The following SEMA5A variants were observed in gnomAD, a reference collection of about 807,000 sequenced individuals.
SEMA5A encodes the protein semaphorin 5A, also known as semaphorin-5A.
Under a neutral mutation model 135.5 loss-of-function variants are expected in SEMA5A, and 55 were observed. That is an observed-to-expected ratio of 0.41 (90% CI 0.33 to 0.51). SEMA5A has a LOEUF of 0.51. Among genes scored for constraint, SEMA5A ranks in the 20% least tolerant of loss-of-function variants. The pLI is 0.37. For missense variants in SEMA5A, 1,290 were observed against 1,419.9 expected (o/e 0.91, Z 1.47); for synonymous variants, 580 against 546.5 (o/e 1.06, Z -0.85).
intron 4 of SEMA5A, among the ~76,000 whole-genome samples, chr5:9,326,206 T>A (rs1752864472): frequency 6.6e-6 from 1 of 152,168 alleles, no homozygotes; most frequent in Non-Finnish European, 1.5e-5. Context: ...TATAGTGACA[T>A]CCTACATGAT....
chr5:9,430,360 GA>G (rs1360856072), intron 2 of SEMA5A, among the ~76,000 whole-genome samples: 1 of 152,182 alleles, frequency 6.6e-6, no homozygotes, highest in African/African-American at 2.4e-5. Flanking sequence ...AACAATTCTG[GA>G]GCTTAGGGAT....
rs1005571263 is a variant in SEMA5A, at chr5:9,135,172, C to T, written c.1599+1332G>A. On this transcript the variant is annotated intron_variant, in intron 13 of 22. Coordinates refer to ENST00000382496, the MANE Select transcript of SEMA5A (RefSeq NM_003966.3). Reference sequence around the variant, plus strand: ...TCATCCTGTCTGGTTTCTGGTTTTCCGACTTTCTTTTTTTTTTTTTTTTTT... The same window carrying T: ...TCATCCTGTCTGGTTTCTGGTTTTCTGACTTTCTTTTTTTTTTTTTTTTTT... Among the ~76,000 whole-genome samples, 12 of 147,420 alleles carry T rather than the reference C, an allele frequency of 8.1e-5. No homozygotes were observed. In the South Asian group the frequency reaches 2.2e-3, roughly 27 times the overall value.
chr5:9,544,781 A>G (rs930612179), intron 1 of SEMA5A, among the ~76,000 whole-genome samples: 1 of 152,166 alleles, frequency 6.6e-6, no homozygotes, highest in Non-Finnish European at 1.5e-5. Flanking sequence ...GGGAACAGGG[A>G]TGTGACCGCT....
At chr5:9,071,860 C>T (rs181744722) in intron 16 of SEMA5A, among the ~76,000 whole-genome samples, 3 of 152,298 alleles carry the variant, frequency 2.0e-5, no homozygotes, top group East Asian at 3.9e-4. Flanking sequence ...AGACTGAAAG[C>T]AATTCACATT....
At chr5:9,374,323 C>G (rs1287829671) in intron 3 of SEMA5A, among the ~76,000 whole-genome samples, 2 of 151,958 alleles carry the variant, frequency 1.3e-5, no homozygotes, top group African/African-American at 4.8e-5. Flanking sequence ...GATCAAGACT[C>G]TGACAGAACA....
At chr5:9,247,394 T>C (rs1219744420) in intron 5 of SEMA5A, among the ~76,000 whole-genome samples, 1 of 152,174 alleles carries the variant, frequency 6.6e-6, no homozygotes, top group Non-Finnish European at 1.5e-5. Flanking sequence ...TTTCAGTTTC[T>C]CCATAAATCT....
At chr5:9,515,577 A>G (rs1225605796) in intron 1 of SEMA5A, among the ~76,000 whole-genome samples, 1 of 152,178 alleles carries the variant, frequency 6.6e-6, no homozygotes, top group African/African-American at 2.4e-5. Context: ...AGAATGACAC[A>G]AACAGAAGAG....
At position 9,042,892 on chromosome 5, in the gene SEMA5A, A is replaced by AGCT. The variant is rs1736037587; in HGVS notation, c.*2_*4dup. The AGCT allele has an allele frequency of 2.5e-6, 4 of 1,613,844 alleles. No individual in the cohort carries two copies. Among genetic ancestry groups the AGCT allele is most frequent in the Non-Finnish European group, 3.4e-6 (4 of 1,179,906 alleles). On this transcript the variant is annotated 3_prime_UTR_variant, in exon 23 of 23. Transcript: ENST00000382496. ...ATTTACAAGAAGCCAAAAACATGAA[A>AGCT]GCTGTTAGTACTCATCATAATTATT...
At chr5:9,249,879 G>T (rs181450415) in intron 5 of SEMA5A, among the ~76,000 whole-genome samples, 1 of 152,284 alleles carries the variant, frequency 6.6e-6, no homozygotes, top group Non-Finnish European at 1.5e-5. Context: ...GGGAAGAAAG[G>T]ACATCTAAGC....
intron 2 of SEMA5A, among the ~76,000 whole-genome samples, chr5:9,423,119 A>G (rs1001652921): frequency 6.6e-6 from 1 of 152,178 alleles, no homozygotes; most frequent in African/African-American, 2.4e-5. Flanking sequence ...GAGAAGGAGA[A>G]TCACATAATT....
chr5:9,173,960 A>G (rs946060135), intron 11 of SEMA5A, among the ~76,000 whole-genome samples: 15 of 152,212 alleles, frequency 9.9e-5, no homozygotes, highest in Non-Finnish European at 2.1e-4. Flanking sequence ...CCCAGAAAAT[A>G]CCATACTTAA....
intron 3 of SEMA5A, among the ~76,000 whole-genome samples, chr5:9,365,082 C>T (rs1754857034): frequency 6.6e-6 from 1 of 152,132 alleles, no homozygotes; most frequent in Non-Finnish European, 1.5e-5. Flanking sequence ...AGACATATTC[C>T]ACAACACATA....
At chr5:9,177,835 G>A (rs747549748) in intron 11 of SEMA5A, among the ~76,000 whole-genome samples, 5 of 152,186 alleles carry the variant, frequency 3.3e-5, no homozygotes, top group South Asian at 2.1e-4. Flanking sequence ...ATGGACACAC[G>A]GGGACACATG....
chr5:9,471,367 C>A (rs772653304), intron 1 of SEMA5A, among the ~76,000 whole-genome samples: 7 of 152,084 alleles, frequency 4.6e-5, no homozygotes, highest in Non-Finnish European at 8.8e-5. Context: ...CCAGAGATAG[C>A]CTAAAATTGC....
chr5:9,302,235 A>G (rs1023965848), intron 5 of SEMA5A, among the ~76,000 whole-genome samples: 5 of 152,168 alleles, frequency 3.3e-5, no homozygotes, highest in Non-Finnish European at 7.3e-5. Flanking sequence ...TCACATTTAG[A>G]AGTTTCAGGA....
rs70943947 is a variant in SEMA5A, at chr5:9,207,102, G to GTATATA, written c.647-4868_647-4863dup. 2.6e-3 allele frequency among the ~76,000 whole-genome samples: 255 copies of GTATATA among 97,654 alleles called. 5 individuals carry two copies. The highest frequency in any genetic ancestry group is 8.6e-3 in the Admixed American group (77 of 9,004). 64.1% of individuals were successfully genotyped at this position (97,654 alleles called of 152,430 possible). A position where few individuals can be genotyped will look rare whatever the true frequency, so the allele number is the denominator to read the frequency against. Reference sequence around the variant, plus strand: ...ACATAATGATAATGAATGATCAAGTGTATATATATATATATATATATATAT... The same window carrying GTATATA: ...ACATAATGATAATGAATGATCAAGTGTATATATATATATATATATATATATATATAT... On this transcript the variant is annotated intron_variant, in intron 8 of 22. Coordinates refer to ENST00000382496, the MANE Select transcript of SEMA5A (RefSeq NM_003966.3).
At chr5:9,084,652 A>G (rs1738581585) in intron 16 of SEMA5A, among the ~76,000 whole-genome samples, 1 of 152,174 alleles carries the variant, frequency 6.6e-6, no homozygotes, top group Non-Finnish European at 1.5e-5. Context: ...TAAGTCCAAT[A>G]AACCTCTTTC....
intron 3 of SEMA5A, among the ~76,000 whole-genome samples, chr5:9,368,079 A>G (rs913013838): frequency 3.3e-5 from 5 of 152,220 alleles, no homozygotes; most frequent in Admixed American, 2.0e-4. Context: ...ATTCCTTTAC[A>G]GTAATGCAAA....
At chr5:9,443,090 G>A (rs775888511) in intron 1 of SEMA5A, among the ~76,000 whole-genome samples, 3 of 152,322 alleles carry the variant, frequency 2.0e-5, no homozygotes, top group Admixed American at 6.5e-5. Context: ...GTCACTGTCC[G>A]TAGCCTGGGT....
Sources: allele counts gnomAD v4.1 joint callset (sites outside exome capture counted in the v4.1 genomes callset), GRCh38; gene constraint gnomAD v4.1.1; transcripts MANE v1.5; gene names NCBI Gene and HGNC (gene_info 2026-07-23, HGNC 2026-07-21).